The following ROBO2 variants were observed in gnomAD, a reference collection of about 807,000 sequenced individuals.
ROBO2 encodes roundabout homolog 2.
Under a neutral mutation model 160.8 loss-of-function variants are expected in ROBO2, and 53 were observed. The observed-to-expected ratio is 0.33, with a 90% CI of 0.26 to 0.41. ROBO2 has a LOEUF of 0.41. Ranked by LOEUF, ROBO2 falls within the 10% of genes least tolerant of loss-of-function variation. The pLI, the probability that ROBO2 is intolerant of heterozygous loss-of-function variation, is 1.00. For synonymous variants in ROBO2, 664 were observed against 611.7 expected, an observed-to-expected ratio of 1.09 and a Z score of -1.26; for missense variants, 1,577 against 1,722.4, an observed-to-expected ratio of 0.92 and a Z score of 1.49.
At chr3:76,308,784 C>A (rs1025541392) in intron 2 of ROBO2, among the ~76,000 whole-genome samples, 17 of 152,168 alleles carry the variant, frequency 1.1e-4, no homozygotes, top group African/African-American at 4.1e-4. Flanking sequence ...TTTGTTCTTC[C>A]AATTCCATTT....
intron 2 of ROBO2, among the ~76,000 whole-genome samples, chr3:76,987,237 A>G (rs763806052): frequency 6.6e-6 from 1 of 152,202 alleles, no homozygotes; most frequent in Non-Finnish European, 1.5e-5. Context: ...TTAGCTAGAT[A>G]ATATCTGCAA....
At chr3:76,665,310 T>C (rs972636504) in intron 2 of ROBO2, among the ~76,000 whole-genome samples, 8 of 152,150 alleles carry the variant, frequency 5.3e-5, no homozygotes, top group African/African-American at 1.7e-4. Context: ...AAGGAGATAT[T>C]ATCATTCCAT....
At chr3:77,581,828 T>C (rs960672197) in intron 16 of ROBO2, among the ~76,000 whole-genome samples, 7 of 152,178 alleles carry the variant, frequency 4.6e-5, no homozygotes, top group Non-Finnish European at 1.0e-4. Flanking sequence ...CGCTCTTAAT[T>C]ACTAAAAACA....
chr3:76,056,268 G>A (rs528707322), intron 2 of ROBO2, among the ~76,000 whole-genome samples: 1 of 152,164 alleles, frequency 6.6e-6, no homozygotes, highest in African/African-American at 2.4e-5. Context: ...ATTCTGAGGA[G>A]GGTCCTAGAA....
chr3:76,008,571 C>G (rs1383939309), intron 2 of ROBO2, among the ~76,000 whole-genome samples: 1 of 152,178 alleles, frequency 6.6e-6, no homozygotes, highest in Non-Finnish European at 1.5e-5. Flanking sequence ...GAGCACCAAA[C>G]TTGCCCCTTC....
chr3:76,831,404 A>G (rs1037229040), intron 2 of ROBO2, among the ~76,000 whole-genome samples: 6 of 152,210 alleles, frequency 3.9e-5, no homozygotes, highest in African/African-American at 1.2e-4. Flanking sequence ...CACATAAACA[A>G]TATGGATTAC....
At chr3:76,645,964 G>A (rs534924259) in intron 2 of ROBO2, among the ~76,000 whole-genome samples, 29 of 152,266 alleles carry the variant, frequency 1.9e-4, no homozygotes, top group Non-Finnish European at 3.5e-4. Flanking sequence ...GTATTTAAGT[G>A]GTTTGATTTG....
At chr3:76,380,684 G>A (rs944757280) in intron 2 of ROBO2, among the ~76,000 whole-genome samples, 6 of 152,034 alleles carry the variant, frequency 3.9e-5, no homozygotes, top group African/African-American at 1.2e-4. Context: ...TCAACAGAGG[G>A]CTATTAGTAC....
chr3:77,382,003 C>T (rs937080546), intron 2 of ROBO2, among the ~76,000 whole-genome samples: 10 of 151,960 alleles, frequency 6.6e-5, no homozygotes, highest in African/African-American at 2.2e-4. Context: ...TCACCATTAA[C>T]GTGTATTAAA....
intron 1 of ROBO2, among the ~76,000 whole-genome samples, chr3:75,907,732 CGAA>C (rs1313290186): frequency 6.6e-6 from 1 of 152,074 alleles, no homozygotes; most frequent in African/African-American, 2.4e-5. Context: ...TTATTTTCTT[CGAA>C]GAACTTTGGG....
At chr3:76,007,394 G>T (rs1480461788) in intron 2 of ROBO2, among the ~76,000 whole-genome samples, 6 of 152,014 alleles carry the variant, frequency 3.9e-5, no homozygotes, top group Non-Finnish European at 8.8e-5. Flanking sequence ...GTTACACATG[G>T]ATATCCTCCA....
chr3:76,008,257 AAAG>A (rs1411071649), intron 2 of ROBO2, among the ~76,000 whole-genome samples: 118 of 151,446 alleles, frequency 7.8e-4, no homozygotes, highest in African/African-American at 2.5e-3. Flanking sequence ...AAAAAAAAGA[AAAG>A]AAAAAAAAAT....
intron 2 of ROBO2, among the ~76,000 whole-genome samples, chr3:77,099,376 T>A (rs2071587375): frequency 6.6e-6 from 1 of 152,146 alleles, no homozygotes; most frequent in African/African-American, 2.4e-5. Context: ...GCTTCTGATT[T>A]ACAGTTTGTG....
At chr3:76,284,795 T>C (rs1232231636) in intron 2 of ROBO2, among the ~76,000 whole-genome samples, 2 of 152,088 alleles carry the variant, frequency 1.3e-5, no homozygotes, top group African/African-American at 4.8e-5. Context: ...GCATTGACAT[T>C]TTCCCCACGT....
chr3:75,972,786 A>G (rs1241104270), intron 2 of ROBO2, among the ~76,000 whole-genome samples: 3 of 151,578 alleles, frequency 2.0e-5, no homozygotes, highest in East Asian at 2.0e-4. Flanking sequence ...GGGTAACTCC[A>G]TTGCGTAGTG....
chr3:76,565,240 C>T (rs2084439846), intron 2 of ROBO2, among the ~76,000 whole-genome samples: 1 of 152,146 alleles, frequency 6.6e-6, no homozygotes, highest in South Asian at 2.1e-4. Flanking sequence ...GATTTCTAAT[C>T]TATTAATATA....
At chr3:76,590,507 C>CA (rs1481077269) in intron 2 of ROBO2, among the ~76,000 whole-genome samples, 2 of 152,134 alleles carry the variant, frequency 1.3e-5, no homozygotes, top group African/African-American at 4.8e-5. Flanking sequence ...AACCAACTGA[C>CA]AGAGTAAAAT....
chr3:77,310,465 G>A (rs972393014), intron 2 of ROBO2, among the ~76,000 whole-genome samples: 1 of 152,096 alleles, frequency 6.6e-6, no homozygotes, highest in Non-Finnish European at 1.5e-5. Context: ...ATTCTGTTTG[G>A]AGCATAAAAT....
intron 2 of ROBO2, among the ~76,000 whole-genome samples, chr3:76,419,247 A>G (rs1245601941): frequency 6.6e-6 from 1 of 152,200 alleles, no homozygotes; most frequent in African/African-American, 2.4e-5. Context: ...TGTGAACAAC[A>G]TTGCCATTAA....
Sources: gnomAD v4.1 joint callset for allele counts (sites outside exome capture counted in the v4.1 genomes callset) on GRCh38, gnomAD v4.1.1 for gene constraint, MANE v1.5 for transcripts, NCBI Gene and HGNC (gene_info 2026-07-23, HGNC 2026-07-21) for gene names.